The following CPLANE1 variants were observed in gnomAD, a reference collection of about 807,000 sequenced individuals.
CPLANE1 encodes the protein ciliogenesis and planar polarity effector 1.
In CPLANE1, 263 loss-of-function variants were observed where a neutral mutation model predicts 362.5. The observed-to-expected ratio is 0.73, with a 90% CI of 0.66 to 0.80. CPLANE1 has a LOEUF of 0.80. CPLANE1 is among the 30% of genes least tolerant of loss of function. The probability of loss-of-function intolerance (pLI) is 0.00; values close to 1 mark genes in which losing one functional copy is unlikely to be tolerated. For synonymous variants in CPLANE1, 1,212 were observed against 1,302.6 expected, an observed-to-expected ratio of 0.93 and a Z score of 1.50; for missense variants, 3,461 against 3,793.4, an observed-to-expected ratio of 0.91 and a Z score of 2.30.
chr5:37,094,177 G>A, the CPLANE1 span, among the ~76,000 whole-genome samples: 9 of 152,284 alleles, frequency 5.9e-5, no homozygotes, highest in East Asian at 5.8e-4. Context: ...TAAGTGGCCC[G>A]GACCCTTGGC....
the CPLANE1 span, among the ~76,000 whole-genome samples, chr5:37,099,580 G>A: frequency 2.2e-4 from 33 of 152,098 alleles, no homozygotes; most frequent in African/African-American, 4.3e-4. Context: ...TTTTGTTATC[G>A]TGAACAGTGC....
chr5:37,111,800 T>A (rs535442414), intron 51 of CPLANE1, among the ~76,000 whole-genome samples: 1 of 152,048 alleles, frequency 6.6e-6, no homozygotes, highest in Non-Finnish European at 1.5e-5. Context: ...ATTATTTCAG[T>A]AAATATTAAT....
chr5:37,127,201 T>C (rs1417429034), intron 46 of CPLANE1, among the ~76,000 whole-genome samples: 2 of 152,202 alleles, frequency 1.3e-5, no homozygotes, highest in East Asian at 3.8e-4. Context: ...TAGGATAAAT[T>C]ATAGCCATGA....
chr5:37,108,964 A>G (rs910012461), intron 51 of CPLANE1, among the ~76,000 whole-genome samples: 2 of 152,210 alleles, frequency 1.3e-5, no homozygotes, highest in African/African-American at 4.8e-5. Context: ...ATATATCAGT[A>G]TTTGTTGAAA....
At chr5:37,215,390 CT>C (rs1793764487) in intron 15 of CPLANE1, among the ~76,000 whole-genome samples, 2 of 152,212 alleles carry the variant, frequency 1.3e-5, no homozygotes, top group Admixed American at 1.3e-4. Flanking sequence ...CTCTGGCTTA[CT>C]TTATTCTAAG....
chr5:37,198,847 AG>A lies in CPLANE1; in HGVS notation c.3526del (p.Leu1176PhefsTer2). 1 of 1,614,026 alleles carries A rather than the reference AG, an allele frequency of 6.2e-7. No homozygotes were observed. ...GCGATTATTTTTTTCAGCTTTTAAA[AG>A]AAGATCATCACCATCTTCCTGAGGA... Reference protein sequence around the residue: ...ILSEEDGDDLLLKAEKNNRQK... With the variant: ...ILSEEDGDDLXLKAEKNNRQK... On this transcript the variant is annotated frameshift_variant, in exon 20 of 53. Transcript: ENST00000651892.
the CPLANE1 span, chr5:37,085,490 C>T: frequency 1.2e-6 from 1 of 809,216 alleles, no homozygotes; most frequent in South Asian, 1.3e-5. Flanking sequence ...ATGCTCACAG[C>T]ATCCGCTACC....
the CPLANE1 span, among the ~76,000 whole-genome samples, chr5:37,088,775 G>A: frequency 1.3e-5 from 2 of 151,980 alleles, no homozygotes; most frequent in African/African-American, 4.8e-5. Context: ...AGAAGGAGAA[G>A]ACCCTAAAAG....
chr5:37,237,662 C>T (rs1461938133), intron 8 of CPLANE1, among the ~76,000 whole-genome samples: 3 of 151,882 alleles, frequency 2.0e-5, no homozygotes, highest in African/African-American at 7.3e-5. Context: ...CTGGCTAACA[C>T]GGTGAAACCC....
chr5:37,131,113 G>C (rs1253224346), intron 46 of CPLANE1, among the ~76,000 whole-genome samples: 2 of 152,152 alleles, frequency 1.3e-5, no homozygotes, highest in Non-Finnish European at 2.9e-5. Flanking sequence ...ACCTTCCTTT[G>C]TTTTTGATAA....
chr5:37,126,143 G>A (rs1764067739), intron 46 of CPLANE1, among the ~76,000 whole-genome samples: 2 of 152,198 alleles, frequency 1.3e-5, no homozygotes, highest in Admixed American at 1.3e-4. Flanking sequence ...GCTGAGGTGG[G>A]TGGGAGGATC....
At chr5:37,154,041 A>G in intron 41 of CPLANE1, 48 bp from the exon 42 acceptor site, 1 of 1,499,574 alleles carries the variant, frequency 6.7e-7, no homozygotes, top group Non-Finnish European at 9.0e-7. Context: ...ATTAAAGAAG[A>G]GGTATTATTG....
At chr5:37,084,717 G>A in the CPLANE1 span, among the ~76,000 whole-genome samples, 2 of 151,830 alleles carry the variant, frequency 1.3e-5, no homozygotes, top group African/African-American at 4.8e-5. Flanking sequence ...GAGGCAGAGA[G>A]CTGAGATCAT....
At position 37,186,244 on chromosome 5, in the gene CPLANE1, T is replaced by C. The variant is rs7730779; in HGVS notation, c.4189+42A>G. ...TTTTCAAAACAAAAAGGGAATCTTC[T>C]GCAATTTATCTGTTAGCTATCTGAG... On this transcript the variant is annotated intron_variant, in intron 24 of 52. Coordinates refer to ENST00000651892, the MANE Select transcript of CPLANE1 (RefSeq NM_001384732.1). 33 of 983,502 alleles carry C rather than the reference T, an allele frequency of 3.4e-5. 1 individual carries two copies. Among genetic ancestry groups the C allele is most frequent in the South Asian group, 2.8e-4 (20 of 71,334 alleles). 60.9% of individuals were successfully genotyped at this position (983,502 alleles called of 1,614,324 possible). A position where few individuals can be genotyped will look rare whatever the true frequency, so the allele number is the denominator to read the frequency against.
downstream of CPLANE1, among the ~76,000 whole-genome samples, chr5:37,103,508 T>A (rs944078252): frequency 6.6e-6 from 1 of 152,226 alleles, no homozygotes; most frequent in South Asian, 2.1e-4. Flanking sequence ...CTGGTAATGG[T>A]TTTTCCTTTC....
intron 44 of CPLANE1, chr5:37,140,378 C>A (rs1051307923): frequency 3.1e-6 from 3 of 982,976 alleles, no homozygotes; most frequent in Non-Finnish European, 3.6e-6. Context: ...ACCTCCAAAT[C>A]AAGGATTTTA....
chr5:37,207,031 A>G (rs1455546178), intron 16 of CPLANE1, among the ~76,000 whole-genome samples: 4 of 152,246 alleles, frequency 2.6e-5, no homozygotes, highest in Non-Finnish European at 4.4e-5. Context: ...TGTGATGTTC[A>G]GTAATTCTGA....
At chr5:37,111,087 G>A (rs761141236) in intron 51 of CPLANE1, among the ~76,000 whole-genome samples, 5 of 150,790 alleles carry the variant, frequency 3.3e-5, no homozygotes, top group Admixed American at 1.3e-4. Flanking sequence ...GATTACAGGC[G>A]TGAGCCACCA....
the CPLANE1 span, among the ~76,000 whole-genome samples, chr5:37,096,226 G>C: frequency 2.6e-5 from 4 of 151,108 alleles, no homozygotes; most frequent in African/African-American, 9.7e-5. Context: ...GTATAAAAAA[G>C]AATAGAGAAA....
Sources: allele counts gnomAD v4.1 joint callset (sites outside exome capture counted in the v4.1 genomes callset), GRCh38; gene constraint gnomAD v4.1.1; transcripts MANE v1.5; gene names NCBI Gene and HGNC (gene_info 2026-07-23, HGNC 2026-07-21).